NPAS2: variants seen among roughly 807,000 people sequenced by gnomAD.
The protein encoded by NPAS2 is neuronal PAS domain-containing protein 2.
In NPAS2, 23 loss-of-function variants were observed where a neutral mutation model predicts 107.5. That is an observed-to-expected ratio of 0.21 (90% CI 0.15 to 0.30). The LOEUF (loss-of-function observed/expected upper bound fraction) is 0.30, where lower values mean the gene tolerates loss of function less well. NPAS2 is among the 10% of genes least tolerant of loss of function. NPAS2 has a pLI of 1.00. For missense variants in NPAS2, 756 were observed against 1,043.3 expected, an observed-to-expected ratio of 0.72 and a Z score of 3.79; for synonymous variants, 403 against 417.5, an observed-to-expected ratio of 0.97 and a Z score of 0.42.
intron 4 of NPAS2, among the ~76,000 whole-genome samples, chr2:100,936,809 C>T (rs1401811032): frequency 4.0e-5 from 6 of 151,690 alleles, no homozygotes; most frequent in Non-Finnish European, 7.4e-5. Flanking sequence ...TGGTGAAACC[C>T]TGTCTCTACT....
rs77985008 is a variant in NPAS2 at position 100,919,884 on chromosome 2, C to T, written c.33-5262C>T. On this transcript the variant is annotated intron_variant, in intron 2 of 20. Transcript: ENST00000335681. Reference sequence around the variant, plus strand: ...TCCTTGGTGAGCACCCTTGGCGATTCGTTGGAACTTCTCACCGGGCAGTAT... The same window carrying T: ...TCCTTGGTGAGCACCCTTGGCGATTTGTTGGAACTTCTCACCGGGCAGTAT... 6.5e-3 allele frequency among the ~76,000 whole-genome samples: 983 copies of T among 152,224 alleles called. 55 individuals carry two copies. In the East Asian group the frequency reaches 0.15, roughly 23 times the overall value.
At chr2:100,861,330 G>A (rs566458829) in intron 1 of NPAS2, among the ~76,000 whole-genome samples, 169 of 152,306 alleles carry the variant, frequency 1.1e-3, no homozygotes, top group African/African-American at 4.0e-3. Context: ...ACTTTAGGGT[G>A]TAGCTCAGTC....
chr2:100,925,232 C>G lies in NPAS2; in HGVS notation c.119C>G (p.Thr40Arg), dbSNP rs749697021. ...KELSSMLPGN[T>R]RKMDKTTVLE... ...CTCAGTTCCATGCTCCCTGGCAACA[C>G]GCGGAAAATGGACAAAACCACCGTG... Residue 40 changes from threonine to arginine, a missense_variant, in exon 3 of 21, where the codon ACG becomes AGG. Thr to Arg is a moderately conservative substitution (Grantham distance 71). Coordinates refer to ENST00000335681, the MANE Select transcript of NPAS2 (RefSeq NM_002518.4). 1.2e-6 allele frequency: 2 copies of G among 1,614,032 alleles called. No individual in the cohort carries two copies. Among genetic ancestry groups the G allele is most frequent in the Admixed American group, 1.7e-5 (1 of 60,012 alleles).
intron 1 of NPAS2, among the ~76,000 whole-genome samples, chr2:100,856,669 G>A (rs1415750659): frequency 6.7e-6 from 1 of 149,486 alleles, no homozygotes; most frequent in East Asian, 2.0e-4. Flanking sequence ...TTAGCAGCTC[G>A]GACTTCGGAA....
chr2:100,961,810 C>G (rs77245854), intron 7 of NPAS2, among the ~76,000 whole-genome samples: 1 of 152,196 alleles, frequency 6.6e-6, no homozygotes, highest in Non-Finnish European at 1.5e-5. Context: ...GCTGAAAGAT[C>G]GTTCAAAGAT....
chr2:100,885,313 A>C (rs1368631206), intron 1 of NPAS2, among the ~76,000 whole-genome samples: 1 of 152,250 alleles, frequency 6.6e-6, no homozygotes, highest in African/African-American at 2.4e-5. Flanking sequence ...CTTCTCCAGA[A>C]AACAGAAAAA....
At chr2:100,990,037 A>G in intron 17 of NPAS2, 1 of 569,770 alleles carries the variant, frequency 1.8e-6, no homozygotes, top group Non-Finnish European at 3.1e-6. Flanking sequence ...CACATTTGCT[A>G]CTTGCCTGCC....
chr2:100,871,397 C>T (rs1679578531), intron 1 of NPAS2, among the ~76,000 whole-genome samples: 1 of 145,826 alleles, frequency 6.9e-6, no homozygotes, highest in Non-Finnish European at 1.5e-5. Context: ...GTGATGTGAT[C>T]TCTGCTCACT....
chr2:100,929,454 CT>C (rs1365118805), intron 3 of NPAS2, among the ~76,000 whole-genome samples: 1 of 152,184 alleles, frequency 6.6e-6, no homozygotes, highest in African/African-American at 2.4e-5. Context: ...GGTTCTCAAC[CT>C]TGTGTGCACA....
intron 7 of NPAS2, among the ~76,000 whole-genome samples, chr2:100,960,939 G>C (rs545594283): frequency 6.6e-6 from 1 of 152,144 alleles, no homozygotes; most frequent in Non-Finnish European, 1.5e-5. Context: ...CATGGGGAAG[G>C]CTATATATTT....
chr2:100,990,896 A>T, intron 19 of NPAS2, 24 bp downstream of exon 19: 2 of 1,602,872 alleles, frequency 1.2e-6, no homozygotes, highest in Non-Finnish European at 1.7e-6. Context: ...GGCGGGAGGC[A>T]GGAGGCAAGC....
intron 2 of NPAS2, among the ~76,000 whole-genome samples, chr2:100,910,156 C>T (rs1448674548): frequency 6.6e-6 from 1 of 152,216 alleles, no homozygotes; most frequent in African/African-American, 2.4e-5. Flanking sequence ...AAGAGATGAT[C>T]AGGAATGCAC....
intron 1 of NPAS2, among the ~76,000 whole-genome samples, chr2:100,888,032 T>C (rs1680823900): frequency 6.6e-6 from 1 of 152,208 alleles, no homozygotes; most frequent in Non-Finnish European, 1.5e-5. Context: ...TTTGCCCTTT[T>C]TGCCCTTAGT....
chr2:100,835,733 G>T (rs1326919475), intron 1 of NPAS2, among the ~76,000 whole-genome samples: 1 of 152,026 alleles, frequency 6.6e-6, no homozygotes, highest in East Asian at 1.9e-4. Context: ...GGGTCACCTG[G>T]ACCACATTTG....
chr2:100,988,435 T>C, intron 17 of NPAS2, 159 bp downstream of exon 17: 1 of 635,540 alleles, frequency 1.6e-6, no homozygotes, highest in Non-Finnish European at 2.7e-6. Flanking sequence ...TTCTTTTCCT[T>C]CTTCTGTTAA....
intron 14 of NPAS2, 180 bp downstream of exon 14, chr2:100,975,747 G>C: frequency 2.0e-6 from 1 of 507,948 alleles, no homozygotes; most frequent in Non-Finnish European, 3.5e-6. Context: ...TTAAACATTT[G>C]CATGACAAAA....
chr2:100,846,024 C>T (rs548707976), intron 1 of NPAS2, among the ~76,000 whole-genome samples: 6 of 152,344 alleles, frequency 3.9e-5, no homozygotes, highest in South Asian at 2.1e-4. Context: ...ACCCTGGGTG[C>T]GGTGTCAGGC....
chr2:100,848,614 A>G (rs1677945282), intron 1 of NPAS2, among the ~76,000 whole-genome samples: 1 of 152,188 alleles, frequency 6.6e-6, no homozygotes, highest in Non-Finnish European at 1.5e-5. Flanking sequence ...ACGTGCCATC[A>G]TAGGTTGAAA....
intron 7 of NPAS2, among the ~76,000 whole-genome samples, chr2:100,957,922 A>G (rs1029945887): frequency 2.0e-5 from 3 of 152,042 alleles, no homozygotes; most frequent in Admixed American, 6.5e-5. Flanking sequence ...AGCGAAACTC[A>G]GTCTCAAAAA....
Sources: allele counts gnomAD v4.1 joint callset (sites outside exome capture counted in the v4.1 genomes callset), GRCh38; gene constraint gnomAD v4.1.1; transcripts MANE v1.5; gene names NCBI Gene and HGNC (gene_info 2026-07-23, HGNC 2026-07-21).